The following SLC24A3 variants were observed in gnomAD, a reference collection of about 807,000 sequenced individuals.
SLC24A3 encodes the protein solute carrier family 24 member 3.
SLC24A3 carries 28 observed loss-of-function variants against 75.8 expected under a neutral mutation model. The ratio of observed to expected loss-of-function variants is 0.37; its 90% CI spans 0.27 to 0.51. SLC24A3 has a LOEUF of 0.51. Among genes scored for constraint, SLC24A3 ranks in the 20% least tolerant of loss-of-function variants. The pLI is 0.94. For missense variants in SLC24A3, 663 were observed against 847.8 expected (o/e 0.78, Z 2.71); for synonymous variants, 372 against 334.1 (o/e 1.11, Z -1.24).
intron 2 of SLC24A3, among the ~76,000 whole-genome samples, chr20:19,299,168 C>G (rs759239568): frequency 2.1e-5 from 3 of 145,238 alleles, no homozygotes; most frequent in Non-Finnish European, 4.4e-5. Context: ...CATAATAGTT[C>G]TTCCCCTTCG....
chr20:19,478,859 G>A (rs1988004579), intron 2 of SLC24A3, among the ~76,000 whole-genome samples: 1 of 152,202 alleles, frequency 6.6e-6, no homozygotes, highest in African/African-American at 2.4e-5. Context: ...CCAAAATAAA[G>A]CCCAGTGTCT....
At chr20:19,647,943 T>C (rs2032158233) in intron 6 of SLC24A3, among the ~76,000 whole-genome samples, 1 of 152,208 alleles carries the variant, frequency 6.6e-6, no homozygotes, top group African/African-American at 2.4e-5. Flanking sequence ...AAATGTGAAT[T>C]TATTTTGTGT....
chr20:19,673,268 C>A (rs2032489127), intron 8 of SLC24A3, among the ~76,000 whole-genome samples: 1 of 152,176 alleles, frequency 6.6e-6, no homozygotes, highest in Admixed American at 6.5e-5. Flanking sequence ...TGAATAGTTT[C>A]AGTGAATGAT....
At chr20:19,243,015 A>G (rs960850577) in intron 1 of SLC24A3, among the ~76,000 whole-genome samples, 4 of 152,168 alleles carry the variant, frequency 2.6e-5, no homozygotes, top group African/African-American at 9.7e-5. Flanking sequence ...AAACTTGTTC[A>G]GAAAGTGTCT....
At chr20:19,310,886 G>A (rs1984440784) in intron 2 of SLC24A3, among the ~76,000 whole-genome samples, 1 of 152,190 alleles carries the variant, frequency 6.6e-6, no homozygotes, top group South Asian at 2.1e-4. Context: ...CTTTAAATCT[G>A]AAATAAAGCC....
At chr20:19,298,558 C>G (rs763706428) in intron 2 of SLC24A3, among the ~76,000 whole-genome samples, 2 of 151,016 alleles carry the variant, frequency 1.3e-5, no homozygotes, top group Non-Finnish European at 2.9e-5. Context: ...CAGGAAACAA[C>G]AGTAGAGGAT....
At chr20:19,672,560 C>A (rs75124776) in intron 8 of SLC24A3, among the ~76,000 whole-genome samples, 2 of 152,004 alleles carry the variant, frequency 1.3e-5, no homozygotes, top group Non-Finnish European at 2.9e-5. Context: ...TGTTCTGGAA[C>A]TTGGGGACAT....
chr20:19,426,773 G>C (rs1456308737), intron 2 of SLC24A3, among the ~76,000 whole-genome samples: 1 of 152,184 alleles, frequency 6.6e-6, no homozygotes, highest in Non-Finnish European at 1.5e-5. Context: ...AATGAGGTTG[G>C]ACCTAGGAGC....
At chr20:19,568,678 A>T (rs945150429) in intron 3 of SLC24A3, among the ~76,000 whole-genome samples, 2 of 152,218 alleles carry the variant, frequency 1.3e-5, no homozygotes, top group African/African-American at 2.4e-5. Context: ...CTGAAGATGG[A>T]TGGCGATGAT....
intron 3 of SLC24A3, among the ~76,000 whole-genome samples, chr20:19,559,221 A>C (rs1457010276): frequency 6.6e-6 from 1 of 152,232 alleles, no homozygotes; most frequent in Non-Finnish European, 1.5e-5. Flanking sequence ...ATGACAAATA[A>C]TATGAACATC....
intron 6 of SLC24A3, among the ~76,000 whole-genome samples, chr20:19,622,573 T>C (rs893374419): frequency 3.9e-5 from 6 of 152,184 alleles, no homozygotes; most frequent in African/African-American, 1.4e-4. Flanking sequence ...TTTGAGAAGG[T>C]CATTCACAAC....
intron 2 of SLC24A3, among the ~76,000 whole-genome samples, chr20:19,439,556 G>A (rs1259989481): frequency 6.6e-6 from 1 of 152,138 alleles, no homozygotes; most frequent in Admixed American, 6.5e-5. Flanking sequence ...TAGCACATGT[G>A]AGTAACTTCT....
intron 7 of SLC24A3, among the ~76,000 whole-genome samples, chr20:19,654,775 G>GT (rs1265108170): frequency 6.7e-6 from 1 of 149,736 alleles, no homozygotes; most frequent in African/African-American, 2.5e-5. Context: ...AGCCTGCCAA[G>GT]TATCTGGGAC....
intron 2 of SLC24A3, among the ~76,000 whole-genome samples, chr20:19,323,715 GGAACCTTCTATCAGA>G (rs1436991255): frequency 6.6e-6 from 1 of 152,062 alleles, no homozygotes; most frequent in Non-Finnish European, 1.5e-5. Flanking sequence ...TACATTTTAT[GGAACCTTCTATCAGA>G]GAAGTGCTGG....
At chr20:19,697,643 T>A (rs938033693) in intron 14 of SLC24A3, 1 of 152,336 alleles carries the variant, frequency 6.6e-6, no homozygotes, top group Non-Finnish European at 1.5e-5. Context: ...GCCTGATTTA[T>A]GCTGGAGGGC....
At chr20:19,475,666 C>G (rs1987950521) in intron 2 of SLC24A3, among the ~76,000 whole-genome samples, 1 of 152,096 alleles carries the variant, frequency 6.6e-6, no homozygotes, top group Non-Finnish European at 1.5e-5. Context: ...TAGGAATTGA[C>G]TTTAATCTTG....
At chr20:19,257,954 T>C (rs1158628880) in intron 1 of SLC24A3, among the ~76,000 whole-genome samples, 1 of 152,214 alleles carries the variant, frequency 6.6e-6, no homozygotes, top group Non-Finnish European at 1.5e-5. Flanking sequence ...GTCTCCTGAG[T>C]AGCTGGAACT....
intron 2 of SLC24A3, among the ~76,000 whole-genome samples, chr20:19,501,399 C>G (rs1264856756): frequency 6.6e-6 from 1 of 152,200 alleles, no homozygotes; most frequent in African/African-American, 2.4e-5. Flanking sequence ...TTTCTTTCCT[C>G]TTCATAAAGC....
At chr20:19,471,179 G>C (rs1282300659) in intron 2 of SLC24A3, among the ~76,000 whole-genome samples, 1 of 152,132 alleles carries the variant, frequency 6.6e-6, no homozygotes, top group Non-Finnish European at 1.5e-5. Flanking sequence ...CCCCGTGCTG[G>C]AGCTGTGAGT....
Sources: gnomAD v4.1 joint callset for allele counts (sites outside exome capture counted in the v4.1 genomes callset) on GRCh38, gnomAD v4.1.1 for gene constraint, MANE v1.5 for transcripts, NCBI Gene and HGNC (gene_info 2026-07-23, HGNC 2026-07-21) for gene names.